PRTG: variants seen among roughly 807,000 people sequenced by gnomAD.
The protein encoded by PRTG is protogenin, also known as immunoglobulin superfamily, DCC subclass, member 5.
In PRTG, 67 loss-of-function variants were observed where a neutral mutation model predicts 122.5. The observed-to-expected ratio is 0.55, with a 90% CI of 0.45 to 0.67. The LOEUF is 0.67. Ranked by LOEUF, PRTG falls within the 30% of genes least tolerant of loss-of-function variation. The probability of loss-of-function intolerance (pLI) is 0.00; values close to 1 mark genes in which losing one functional copy is unlikely to be tolerated. For synonymous variants in PRTG, 554 were observed against 501.1 expected (o/e 1.11, Z -1.41); for missense variants, 1,435 against 1,415.4 (o/e 1.01, Z -0.22).
intron 14 of PRTG, 28 bp downstream of exon 14, chr15:55,638,521 A>G (rs970047548): frequency 1.3e-6 from 2 of 1,552,884 alleles, no homozygotes; most frequent in African/African-American, 2.8e-5. Flanking sequence ...TTTTAAAGAT[A>G]AAATCTATAG....
Position 55,620,755 on chromosome 15 carries a change from G to T in PRTG, c.3106C>A (p.Leu1036Met). Reference sequence around the variant, plus strand: ...ATAGGACCATAGCTATTAATTATCAGGTCAGTTCCTCCCTGAGGAAATAAA... The same window carrying T: ...ATAGGACCATAGCTATTAATTATCATGTCAGTTCCTCCCTGAGGAAATAAA... ...SFIDAKGGTD[L>M]IINSYGPIIK... Residue 1036 changes from leucine to methionine, a missense_variant, in exon 19 of 20, where the codon CTG becomes ATG. Leu to Met is a conservative substitution (Grantham distance 15). Transcript: ENST00000389286. 6.3e-7 allele frequency: 1 copy of T among 1,589,530 alleles called. No individual in the cohort carries two copies. Among genetic ancestry groups the T allele is most frequent in the Non-Finnish European group, 8.5e-7 (1 of 1,173,572 alleles).
At chr15:55,667,802 C>T (rs553856852) in intron 11 of PRTG, among the ~76,000 whole-genome samples, 60 of 152,250 alleles carry the variant, frequency 3.9e-4, no homozygotes, top group African/African-American at 1.4e-3. Flanking sequence ...CAGAATGAAT[C>T]AGGCTGGGCA....
intron 11 of PRTG, among the ~76,000 whole-genome samples, chr15:55,656,832 A>G (rs2059382833): frequency 6.6e-6 from 1 of 152,178 alleles, no homozygotes. Context: ...GGCCAATTTT[A>G]TCTCTTTTTG....
rs377004263 is a variant in PRTG, at chr15:55,678,040, A to G, written c.1138T>C (p.Leu380=). Residue 380 remains leucine, a synonymous_variant, in exon 8 of 20, where the codon TTG becomes CTG. Coordinates refer to ENST00000389286, the MANE Select transcript of PRTG (RefSeq NM_173814.6). ...TCAGGAATAATCTGGTTAATTACCA[A>G]TTTACTAGGGAAAGAAAAAAAATTA... ...NGRIKMYNSK[L]VINQIIPEDD... is the part of the protein sequence containing the mutation. 30 of 1,572,844 alleles carry G rather than the reference A, an allele frequency of 1.9e-5. No individual in the cohort carries two copies. The African/African-American group carries it at 3.6e-4, about 19-fold the overall frequency.
intron 15 of PRTG, among the ~76,000 whole-genome samples, chr15:55,633,226 G>A (rs528191081): frequency 6.6e-6 from 1 of 152,018 alleles, no homozygotes; most frequent in Admixed American, 6.5e-5. Context: ...ATATGAGGAG[G>A]GTAAAGGCCT....
chr15:55,732,680 GA>G (rs1483627286), intron 2 of PRTG, among the ~76,000 whole-genome samples: 1 of 151,910 alleles, frequency 6.6e-6, no homozygotes, highest in African/African-American at 2.4e-5. Flanking sequence ...TTTCAGTAGA[GA>G]GGGGGTTTCT....
intron 2 of PRTG, among the ~76,000 whole-genome samples, chr15:55,728,531 G>A (rs185159572): frequency 5.3e-5 from 8 of 151,834 alleles, no homozygotes; most frequent in African/African-American, 1.7e-4. Flanking sequence ...TACAAAAAAG[G>A]CATTTGAAAA....
At chr15:55,672,205 C>T (rs1235245000) in intron 11 of PRTG, among the ~76,000 whole-genome samples, 2 of 152,160 alleles carry the variant, frequency 1.3e-5, no homozygotes, top group African/African-American at 4.8e-5. Context: ...AAAGCAGATT[C>T]ACAGAGCTGG....
intron 2 of PRTG, among the ~76,000 whole-genome samples, chr15:55,695,220 A>G (rs1261791461): frequency 1.3e-5 from 2 of 152,244 alleles, no homozygotes; most frequent in Non-Finnish European, 2.9e-5. Context: ...CTGGAAATGT[A>G]TGACTACTAA....
chr15:55,637,135 A>G (rs372134192), intron 15 of PRTG, 35 bp downstream of exon 15: 2 of 1,394,352 alleles, frequency 1.4e-6, no homozygotes, highest in Non-Finnish European at 1.9e-6. Flanking sequence ...TAATAATCGT[A>G]CTTTTCACCC....
chr15:55,658,034 G>C (rs2059389700), intron 11 of PRTG, among the ~76,000 whole-genome samples: 1 of 152,060 alleles, frequency 6.6e-6, no homozygotes, highest in South Asian at 2.1e-4. Flanking sequence ...ATATTTATGT[G>C]TTTTATAACC....
Position 55,674,683 on chromosome 15 carries a change from T to G in PRTG, c.1546+836A>C, listed in dbSNP as rs1294469890. Reference sequence around the variant, plus strand: ...GGCATGATAAAGATATAATAAGAGATCTGGGACTAAATGGAAAAAAAGGAG... The same window carrying G: ...GGCATGATAAAGATATAATAAGAGAGCTGGGACTAAATGGAAAAAAAGGAG... On this transcript the variant is annotated intron_variant, in intron 9 of 19. Transcript: ENST00000389286. 2.0e-5 allele frequency among the ~76,000 whole-genome samples: 3 copies of G among 152,238 alleles called. No homozygotes were observed. In the East Asian group the frequency reaches 5.8e-4, roughly 29 times the overall value.
intron 2 of PRTG, among the ~76,000 whole-genome samples, chr15:55,686,599 T>C (rs1345628950): frequency 6.6e-6 from 1 of 152,158 alleles, no homozygotes; most frequent in Admixed American, 6.5e-5. Context: ...TCTAGATGTC[T>C]TTCTGGAGCC....
chr15:55,650,291 C>A (rs2059346672), intron 11 of PRTG, among the ~76,000 whole-genome samples: 1 of 152,082 alleles, frequency 6.6e-6, no homozygotes, highest in South Asian at 2.1e-4. Flanking sequence ...ATAACCGCTG[C>A]AAAAGAGATG....
At chr15:55,634,902 T>C (rs4601983) in intron 15 of PRTG, among the ~76,000 whole-genome samples, 94,690 of 151,860 alleles carry the variant, frequency 0.62, 29,990 homozygotes, top group Admixed American at 0.69. Context: ...TACACCCGCA[T>C]CGATTCACAC....
chr15:55,624,870 G>C (rs1456875372), intron 17 of PRTG, among the ~76,000 whole-genome samples: 1 of 152,140 alleles, frequency 6.6e-6, no homozygotes, highest in Admixed American at 6.5e-5. Context: ...TAAATTTAGA[G>C]TAGTACTTCA....
intron 2 of PRTG, among the ~76,000 whole-genome samples, chr15:55,707,912 C>G (rs139883980): frequency 6.6e-6 from 1 of 152,294 alleles, no homozygotes; most frequent in East Asian, 1.9e-4. Flanking sequence ...AAATTTTCCA[C>G]ATGGCTTAAT....
Position 55,619,841 on chromosome 15 carries a change from G to T in PRTG, c.*171C>A. 1 of 1,100,454 alleles carries T rather than the reference G, an allele frequency of 9.1e-7. No homozygotes were observed. 68.2% of individuals were successfully genotyped at this position (1,100,454 alleles called of 1,614,324 possible). A position where few individuals can be genotyped will look rare whatever the true frequency, so the allele number is the denominator to read the frequency against. On this transcript the variant is annotated 3_prime_UTR_variant, in exon 20 of 20. Coordinates refer to ENST00000389286, the MANE Select transcript of PRTG (RefSeq NM_173814.6). ...GTCCTTCGAACAGATTTAATGGTGA[G>T]AATACCTGAGCATGGCCGTCTAGAT...
chr15:55,641,014 C>A, intron 12 of PRTG, 99 bp downstream of exon 12: 2 of 840,238 alleles, frequency 2.4e-6, no homozygotes, highest in Non-Finnish European at 3.9e-6. Flanking sequence ...ATTAAGCCAC[C>A]AAAGCTTCCA....
Sources: allele counts gnomAD v4.1 joint callset (sites outside exome capture counted in the v4.1 genomes callset), GRCh38; gene constraint gnomAD v4.1.1; transcripts MANE v1.5; gene names NCBI Gene and HGNC (gene_info 2026-07-23, HGNC 2026-07-21).